NOS2: variants seen among roughly 807,000 people sequenced by gnomAD.
The protein encoded by NOS2 is nitric oxide synthase, inducible.
A neutral mutation model predicts 136.0 loss-of-function variants in NOS2; 96 were observed. That is an observed-to-expected ratio of 0.71 (90% CI 0.60 to 0.84). The LOEUF (loss-of-function observed/expected upper bound fraction) is 0.84. Among genes scored for constraint, NOS2 ranks in the 40% least tolerant of loss-of-function variants. The pLI is 0.00. For synonymous variants in NOS2, 539 were observed against 587.5 expected (o/e 0.92, Z 1.20); for missense variants, 1,237 against 1,496.9 (o/e 0.83, Z 2.87).
intron 19 of NOS2, among the ~76,000 whole-genome samples, chr17:27,765,934 C>T (rs1377409408): frequency 6.6e-6 from 1 of 152,218 alleles, no homozygotes; most frequent in Non-Finnish European, 1.5e-5. Context: ...GGGGGGCCCA[C>T]CCCTTCCCAG....
chr17:27,778,623 C>T, intron 11 of NOS2, 67 bp downstream of exon 11: 2 of 1,280,230 alleles, frequency 1.6e-6, no homozygotes, highest in Non-Finnish European at 1.1e-6. Flanking sequence ...TTAAGCATCA[C>T]ATAAGTCACT....
chr17:27,771,847 G>C (rs948171665), intron 14 of NOS2, among the ~76,000 whole-genome samples: 1 of 152,232 alleles, frequency 6.6e-6, no homozygotes, highest in African/African-American at 2.4e-5. Context: ...CTCAGAGCCC[G>C]GGGCTGGTCC....
At chr17:27,791,658 C>T (rs980686614) in intron 2 of NOS2, among the ~76,000 whole-genome samples, 4 of 152,016 alleles carry the variant, frequency 2.6e-5, no homozygotes, top group East Asian at 1.9e-4. Flanking sequence ...GCAGTAGGTC[C>T]CTGTACCTAT....
At chr17:27,779,789 C>T (rs1908785405) in intron 9 of NOS2, among the ~76,000 whole-genome samples, 1 of 152,162 alleles carries the variant, frequency 6.6e-6, no homozygotes, top group Non-Finnish European at 1.5e-5. Flanking sequence ...GTTTTTTAGC[C>T]TCTCTGAGCC....
intron 2 of NOS2, among the ~76,000 whole-genome samples, chr17:27,798,094 A>C (rs1251861620): frequency 6.6e-6 from 1 of 152,140 alleles, no homozygotes; most frequent in Non-Finnish European, 1.5e-5. Flanking sequence ...GTGTGGGCAC[A>C]GTGCTGAGTG....
At chr17:27,790,552 C>A (rs1043791442) in intron 2 of NOS2, among the ~76,000 whole-genome samples, 7 of 152,158 alleles carry the variant, frequency 4.6e-5, no homozygotes, top group African/African-American at 1.7e-4. Context: ...CAGATTCAAC[C>A]CAATTCAACA....
At chr17:27,759,507 T>G (rs1376975131) in intron 25 of NOS2, among the ~76,000 whole-genome samples, 2 of 152,126 alleles carry the variant, frequency 1.3e-5, no homozygotes, top group African/African-American at 2.4e-5. Flanking sequence ...TCAGGGACTC[T>G]CTGCTCCTGC....
chr17:27,769,275 G>C (rs1908412075), intron 16 of NOS2, 124 bp from the exon 17 acceptor site: 1 of 1,023,488 alleles, frequency 9.8e-7, no homozygotes, highest in South Asian at 1.6e-5. Context: ...AATGGAGCTG[G>C]ACCCCCTTCT....
At position 27,786,081 on chromosome 17, in the gene NOS2, T is replaced by C. The variant is rs150454847; in HGVS notation, c.467+1597A>G. On this transcript the variant is annotated intron_variant, in intron 5 of 26. Transcript: ENST00000313735. ...GCTCACTTTGTGTGGTGCAGTGCTG[T>C]GTGAGGCTCTCCCCTAATAGCAACA... 1.7e-4 allele frequency among the ~76,000 whole-genome samples: 26 copies of C among 151,172 alleles called. No individual in the cohort carries two copies. The East Asian group carries it at 4.7e-3, about 27-fold the overall frequency.
intron 25 of NOS2, 84 bp downstream of exon 25, chr17:27,759,946 G>C: frequency 7.4e-7 from 1 of 1,359,394 alleles, no homozygotes; most frequent in Non-Finnish European, 9.8e-7. Flanking sequence ...TGAAGGCTCG[G>C]GGAGGCGAGG....
chr17:27,788,120 A>T (rs573789909), intron 4 of NOS2, among the ~76,000 whole-genome samples: 41 of 152,200 alleles, frequency 2.7e-4, no homozygotes, highest in African/African-American at 9.6e-4. Context: ...AGTCAATCCA[A>T]TATGGCTCCT....
chr17:27,760,494 C>T (rs1908083794), intron 24 of NOS2, 129 bp downstream of exon 24: 21 of 1,286,686 alleles, frequency 1.6e-5, no homozygotes, highest in Non-Finnish European at 2.3e-5. Context: ...CAGAGGCCCG[C>T]ACAGGGAAGC....
chr17:27,791,663 A>T (rs919868727), intron 2 of NOS2, among the ~76,000 whole-genome samples: 16 of 151,924 alleles, frequency 1.1e-4, no homozygotes, highest in African/African-American at 3.9e-4. Context: ...AGGTCCCTGT[A>T]CCTATTGAGA....
At chr17:27,777,993 C>A (rs1764510884) in intron 11 of NOS2, among the ~76,000 whole-genome samples, 1 of 151,490 alleles carries the variant, frequency 6.6e-6, no homozygotes, top group Non-Finnish European at 1.5e-5. Context: ...AGTGATCATG[C>A]CACTGCATTC....
chr17:27,796,220 C>T (rs1277777697), intron 2 of NOS2, among the ~76,000 whole-genome samples: 1 of 152,126 alleles, frequency 6.6e-6, no homozygotes, highest in Non-Finnish European at 1.5e-5. Flanking sequence ...GAGGCCAAGG[C>T]AGGAGAATTG....
chr17:27,782,015 C>A lies in NOS2; in HGVS notation c.722G>T (p.Arg241Met). 2 of 1,613,914 alleles carry A rather than the reference C, an allele frequency of 1.2e-6. No individual in the cohort carries two copies. The highest frequency in any genetic ancestry group is 1.7e-6 in the Non-Finnish European group (2 of 1,179,822). ...GCAGCCCTGGGAAATGTGCACCGAC[C>A]TGATGTTGCCATTGTTGGTGGAGTA... The part of the protein sequence containing the change: ...VRYSTNNGNI[R>M]SAITVFPQRS... Residue 241 changes from arginine to methionine, a missense_variant and splice_region_variant, in exon 7 of 27, where the codon AGG (arginine) becomes ATG (methionine). Around this residue, in one of 3 missense-constraint regions of NOS2, gnomAD observed 440 missense variants for 545.4 expected, o/e 0.81. Coordinates refer to ENST00000313735, the MANE Select transcript of NOS2 (RefSeq NM_000625.4).
chr17:27,758,533 G>A (rs564915873), intron 26 of NOS2, among the ~76,000 whole-genome samples: 1,821 of 152,198 alleles, frequency 0.012, 35 homozygotes, highest in African/African-American at 0.041. Context: ...CGAGGCTGAC[G>A]GGGGGCAGCC....
chr17:27,791,806 A>AAT (rs745760925), intron 2 of NOS2, among the ~76,000 whole-genome samples: 93 of 150,786 alleles, frequency 6.2e-4, no homozygotes, highest in Middle Eastern at 3.4e-3. Flanking sequence ...ACAAAACAAA[A>AAT]ATATATATAT....
intron 25 of NOS2, among the ~76,000 whole-genome samples, chr17:27,759,604 G>A (rs1278639819): frequency 1.3e-5 from 2 of 152,162 alleles, no homozygotes; most frequent in South Asian, 2.1e-4. Context: ...TGTGAAGGCC[G>A]AGAGTCTATT....
Sources: gnomAD v4.1 joint callset for allele counts (sites outside exome capture counted in the v4.1 genomes callset) on GRCh38, gnomAD v4.1.1 for gene constraint, gnomAD v4.1.1 regional missense constraint, MANE v1.5 for transcripts, NCBI Gene and HGNC (gene_info 2026-07-23, HGNC 2026-07-21) for gene names.